Variants in AGL observed in about 807,000 individuals in gnomAD.
AGL encodes glycogen debranching enzyme.
AGL carries 128 observed loss-of-function variants against 199.3 expected under a neutral mutation model. The observed-to-expected ratio is 0.64, with a 90% CI of 0.56 to 0.74. AGL has a LOEUF of 0.74. Among genes scored for constraint, AGL ranks in the 30% least tolerant of loss-of-function variants. The pLI is 0.00. For missense variants in AGL, 1,809 were observed against 1,820.8 expected (o/e 0.99, Z 0.12); for synonymous variants, 584 against 594.7 (o/e 0.98, Z 0.26).
intron 2 of AGL, among the ~76,000 whole-genome samples, chr1:99,853,066 G>A (rs1247605658): frequency 3.3e-5 from 5 of 152,040 alleles, no homozygotes; most frequent in African/African-American, 9.7e-5. Flanking sequence ...CTCTTTTTAA[G>A]CTTGCAGTTT....
At chr1:99,904,088 A>G (rs1219373097) in intron 27 of AGL, among the ~76,000 whole-genome samples, 1 of 152,212 alleles carries the variant, frequency 6.6e-6, no homozygotes, top group Non-Finnish European at 1.5e-5. Context: ...TTGAGAGCCT[A>G]GGCACTTACA....
intron 25 of AGL, among the ~76,000 whole-genome samples, chr1:99,898,142 G>C (rs1653485513): frequency 6.6e-6 from 1 of 151,876 alleles, no homozygotes; most frequent in Non-Finnish European, 1.5e-5. Flanking sequence ...CGCCTCCCGG[G>C]TTCATGCCAT....
At chr1:99,868,215 A>C (rs1452343641) in intron 5 of AGL, among the ~76,000 whole-genome samples, 1 of 152,234 alleles carries the variant, frequency 6.6e-6, no homozygotes, top group East Asian at 1.9e-4. Context: ...ATGTAGAATT[A>C]GAAAAAAATA....
At chr1:99,899,714 T>G (rs1194126347) in intron 25 of AGL, among the ~76,000 whole-genome samples, 1 of 151,736 alleles carries the variant, frequency 6.6e-6, no homozygotes, top group Non-Finnish European at 1.5e-5. Flanking sequence ...TCCGCCTCCC[T>G]GGTTCACGCC....
chr1:99,867,862 A>C (rs146470854), intron 5 of AGL, among the ~76,000 whole-genome samples: 2,305 of 152,300 alleles, frequency 0.015, 34 homozygotes, highest in Middle Eastern at 0.088. Flanking sequence ...CAGGTGGAGA[A>C]AAATCTCCTT....
At chr1:99,866,072 A>G (rs1193663940) in intron 5 of AGL, among the ~76,000 whole-genome samples, 1 of 152,188 alleles carries the variant, frequency 6.6e-6, no homozygotes. Context: ...GTTTGAAACC[A>G]GCCTTGGCAA....
intron 23 of AGL, 86 bp from the exon 24 acceptor site, chr1:99,892,346 A>G (rs2100791958): frequency 1.6e-6 from 2 of 1,234,226 alleles, no homozygotes; most frequent in South Asian, 1.3e-5. Context: ...GTATAGAAAA[A>G]TCATTTGAAG....
chr1:99,912,399 T>C lies in AGL; in HGVS notation c.3837-6T>C. 1 of 1,612,842 alleles carries C rather than the reference T, an allele frequency of 6.2e-7. No homozygotes were observed. The highest frequency in any genetic ancestry group is 8.5e-7 in the Non-Finnish European group (1 of 1,179,002). ...TAAAGAATAAAAATACGTTTTTTAA[T>C]TTTAGAGATGGGTCTGCTGTGGAAA... On this transcript the variant is annotated splice_region_variant and splice_polypyrimidine_tract_variant and intron_variant, in intron 28 of 33. Coordinates refer to ENST00000361915, the MANE Select transcript of AGL (RefSeq NM_000642.3).
chr1:99,858,192 C>T (rs1228600971), intron 2 of AGL, among the ~76,000 whole-genome samples: 4 of 152,168 alleles, frequency 2.6e-5, no homozygotes, highest in African/African-American at 4.8e-5. Flanking sequence ...TCTTTTACCT[C>T]ACAGGAGTGA....
At chr1:99,856,396 T>G (rs936527994) in intron 2 of AGL, among the ~76,000 whole-genome samples, 1 of 138,630 alleles carries the variant, frequency 7.2e-6, no homozygotes, top group Admixed American at 7.3e-5. Context: ...CCCTCCCTCC[T>G]TCCTTCTTTC....
intron 2 of AGL, among the ~76,000 whole-genome samples, chr1:99,857,841 A>T (rs987518495): frequency 3.2e-4 from 2 of 6,196 alleles, no homozygotes; most frequent in African/African-American, 6.3e-4. Context: ...GGGGAGGGGG[A>T]GGGGGAGGGG....
At chr1:99,899,044 A>G (rs1166850516) in intron 25 of AGL, among the ~76,000 whole-genome samples, 4 of 152,138 alleles carry the variant, frequency 2.6e-5, no homozygotes, top group African/African-American at 9.7e-5. Flanking sequence ...CACAAGTTCA[A>G]GACCAGCCTG....
At chr1:99,867,530 G>C (rs2101103330) in intron 5 of AGL, among the ~76,000 whole-genome samples, 1 of 151,948 alleles carries the variant, frequency 6.6e-6, no homozygotes, top group South Asian at 2.1e-4. Context: ...GCCCTGTCTT[G>C]CAGAAGTTCT....
chr1:99,858,759 T>C (rs1649783308), intron 2 of AGL, among the ~76,000 whole-genome samples: 1 of 152,090 alleles, frequency 6.6e-6, no homozygotes, highest in African/African-American at 2.4e-5. Context: ...CACTGAGAGA[T>C]ATTATCAATA....
At position 99,877,517 on chromosome 1, in the gene AGL, T is replaced by A. The variant is rs2291637; in HGVS notation, c.1424-124T>A. ...ACATTATCTCATACCACTTTAGATA[T>A]AATTTAACCAATATATCATTTATGG... On this transcript the variant is annotated intron_variant, in intron 11 of 33. Coordinates refer to ENST00000361915, the MANE Select transcript of AGL (RefSeq NM_000642.3). 445,099 of 832,176 alleles carry A rather than the reference T, an allele frequency of 0.53. 121,448 individuals carry two copies. The highest frequency in any genetic ancestry group is 0.68 in the East Asian group (25,443 of 37,454). The allele number at this position is 832,176 out of a possible 1,614,324, so 51.5% of individuals were successfully genotyped here.
chr1:99,884,683 A>G lies in AGL; in HGVS notation c.2661A>G (p.Ile887Met). 2 of 1,613,978 alleles carry G rather than the reference A, an allele frequency of 1.2e-6. No individual in the cohort carries two copies. The highest frequency in any genetic ancestry group is 1.3e-5 in the African/African-American group (1 of 75,050). ...GSLAVDNADP[I>M]LKIPFASLAS... is the part of the protein sequence containing the mutation. ...TAGCTGTTGACAATGCAGATCCTAT[A>G]TTAAAAATTCCTTTTGCTTCGTAAG... Residue 887 changes from isoleucine to methionine, a missense_variant, in exon 20 of 34, where the codon ATA becomes ATG. Ile to Met is a conservative substitution (Grantham distance 10, BLOSUM62 1). Coordinates refer to ENST00000361915, the MANE Select transcript of AGL (RefSeq NM_000642.3).
chr1:99,897,639 A>C (rs1653438114), intron 25 of AGL, among the ~76,000 whole-genome samples: 1 of 152,196 alleles, frequency 6.6e-6, no homozygotes, highest in Admixed American at 6.5e-5. Flanking sequence ...TTCTTCCCTA[A>C]ATGCTCCTGA....
chr1:99,862,966 A>G (rs527950383), intron 4 of AGL, among the ~76,000 whole-genome samples: 276 of 151,360 alleles, frequency 1.8e-3, no homozygotes, highest in Middle Eastern at 6.8e-3. Flanking sequence ...TTTTTTTGAG[A>G]CGGAGTATCA....
At position 99,896,535 on chromosome 1, in the gene AGL, A is replaced by T. The variant is rs914486642; in HGVS notation, c.3362+147A>T. 29 of 693,162 alleles carry T rather than the reference A, an allele frequency of 4.2e-5. No individual in the cohort carries two copies. The African/African-American group carries it at 4.5e-4, about 11-fold the overall frequency. The allele number at this position is 693,162 out of a possible 1,614,324, so 42.9% of individuals were successfully genotyped here. On this transcript the variant is annotated intron_variant, in intron 25 of 33. Coordinates refer to ENST00000361915, the MANE Select transcript of AGL (RefSeq NM_000642.3). ...GTTTTTATTTTATTTTTGTATGTTC[A>T]CTTAATAGGATCATAAAATTTCAAA...
Sources: allele counts gnomAD v4.1 joint callset (sites outside exome capture counted in the v4.1 genomes callset), GRCh38; gene constraint gnomAD v4.1.1; transcripts MANE v1.5; gene names NCBI Gene and HGNC (gene_info 2026-07-23, HGNC 2026-07-21).